STXBP5L: variants seen among roughly 807,000 people sequenced by gnomAD.
STXBP5L encodes the protein syntaxin-binding protein 5-like.
Under a neutral mutation model 144.5 loss-of-function variants are expected in STXBP5L, and 65 were observed. That is an observed-to-expected ratio of 0.45 (90% CI 0.37 to 0.55). The LOEUF is 0.55. Ranked by LOEUF, STXBP5L falls within the 20% of genes least tolerant of loss-of-function variation. STXBP5L has a pLI of 0.00. For synonymous variants in STXBP5L, 505 were observed against 469.6 expected (o/e 1.08, Z -0.97); for missense variants, 1,298 against 1,405.5 (o/e 0.92, Z 1.22).
chr3:121,192,327 CA>C (rs1483454758), intron 9 of STXBP5L, among the ~76,000 whole-genome samples: 2 of 152,082 alleles, frequency 1.3e-5, no homozygotes, highest in Non-Finnish European at 2.9e-5. Context: ...AAAGGGGACA[CA>C]AACAAATGGA....
At chr3:121,334,206 A>G (rs1479127144) in intron 20 of STXBP5L, among the ~76,000 whole-genome samples, 1 of 152,076 alleles carries the variant, frequency 6.6e-6, no homozygotes, top group African/African-American at 2.4e-5. Flanking sequence ...TCTTTTGTAA[A>G]TTGTCCAGTC....
intron 20 of STXBP5L, among the ~76,000 whole-genome samples, chr3:121,344,593 T>C (rs970928523): frequency 1.3e-5 from 2 of 152,040 alleles, no homozygotes; most frequent in Non-Finnish European, 2.9e-5. Flanking sequence ...GATTGTAAAA[T>C]AGAATGTGAA....
At chr3:120,995,138 T>A (rs1334658275) in intron 3 of STXBP5L, among the ~76,000 whole-genome samples, 1 of 152,074 alleles carries the variant, frequency 6.6e-6, no homozygotes, top group Admixed American at 6.6e-5. Flanking sequence ...TCTGCTTGTT[T>A]TCTCTTTTTG....
Position 121,095,281 on chromosome 3 carries a change from G to A in STXBP5L, c.471-19644G>A, listed in dbSNP as rs540003875. ...TATGTGTCTTGGAGTTGCTCTTCTC[G>A]AGGAGTATCTTTGTGGCATTCTCTG... is the stretch of plus-strand genomic sequence containing the variant. On this transcript the variant is annotated intron_variant, in intron 5 of 26. Coordinates refer to ENST00000471454, the MANE Select transcript of STXBP5L (RefSeq NM_001308330.2). 2.0e-4 allele frequency among the ~76,000 whole-genome samples: 31 copies of A among 152,082 alleles called. No homozygotes were observed. In the South Asian group the frequency reaches 4.8e-3, roughly 23 times the overall value.
rs2047343599 is a variant in STXBP5L at position 121,421,044 on chromosome 3, T to C, written c.*1947T>C. The C allele has an allele frequency of 6.6e-6, 1 of 152,132 alleles. No individual in the cohort carries two copies. Among genetic ancestry groups the C allele is most frequent in the Admixed American group, 6.5e-5 (1 of 15,268 alleles). 9.4% of individuals were successfully genotyped at this position (152,132 alleles called of 1,614,324 possible). A position where few individuals can be genotyped will look rare whatever the true frequency, so the allele number is the denominator to read the frequency against. ...GAAACACAGACATTACATGACTGTA[T>C]AATTTATAGAATTATAAAATTATAT... On this transcript the variant is annotated 3_prime_UTR_variant, in exon 27 of 27. Coordinates refer to ENST00000471454, the MANE Select transcript of STXBP5L (RefSeq NM_001308330.2).
chr3:121,387,386 C>T (rs369880962), intron 22 of STXBP5L, among the ~76,000 whole-genome samples: 96 of 152,190 alleles, frequency 6.3e-4, no homozygotes, highest in Middle Eastern at 3.4e-3. Flanking sequence ...GTTGCTTTGC[C>T]GGACAGAAGG....
rs759070646 is a variant in STXBP5L at position 121,318,460 on chromosome 3, T to C, written c.2111-15T>C. The stretch of plus-strand genomic sequence containing the variant: ...CTAGCAAAATTTATCTCATTTTTTT[T>C]CATTGTATTTTCAGGTTTAACTGAA... On this transcript the variant is annotated splice_polypyrimidine_tract_variant and intron_variant, in intron 19 of 26. Transcript: ENST00000471454. 1 of 1,537,322 alleles carries C rather than the reference T, an allele frequency of 6.5e-7. No homozygotes were observed. Among genetic ancestry groups the C allele is most frequent in the Admixed American group, 2.1e-5 (1 of 48,624 alleles).
intron 22 of STXBP5L, among the ~76,000 whole-genome samples, chr3:121,386,633 A>G (rs2046432062): frequency 6.6e-6 from 1 of 151,894 alleles, no homozygotes; most frequent in South Asian, 2.1e-4. Flanking sequence ...ATTCCCACCT[A>G]TGAGTGAGAA....
chr3:121,253,000 C>G (rs1441829611), intron 15 of STXBP5L, among the ~76,000 whole-genome samples: 1 of 152,098 alleles, frequency 6.6e-6, no homozygotes, highest in Non-Finnish European at 1.5e-5. Context: ...CTCAGTCCCT[C>G]TTTTAAGGGG....
At chr3:121,065,104 G>A (rs931670729) in intron 5 of STXBP5L, among the ~76,000 whole-genome samples, 3 of 151,806 alleles carry the variant, frequency 2.0e-5, no homozygotes, top group Non-Finnish European at 4.4e-5. Flanking sequence ...GTATTCTATG[G>A]TGTATATGTA....
intron 20 of STXBP5L, among the ~76,000 whole-genome samples, chr3:121,356,229 A>T (rs1044847089): frequency 6.6e-6 from 1 of 152,248 alleles, no homozygotes; most frequent in Non-Finnish European, 1.5e-5. Context: ...CTTCAGAGCT[A>T]TCAGACAGGG....
intron 3 of STXBP5L, among the ~76,000 whole-genome samples, chr3:120,967,181 C>T (rs1294562041): frequency 1.3e-5 from 2 of 151,984 alleles, no homozygotes; most frequent in Non-Finnish European, 2.9e-5. Context: ...CGGGGAGTGT[C>T]CTGTTTTTCC....
chr3:120,966,747 AG>A (rs1219767266), intron 3 of STXBP5L, among the ~76,000 whole-genome samples: 2 of 152,096 alleles, frequency 1.3e-5, no homozygotes, highest in African/African-American at 4.8e-5. Flanking sequence ...TTAGGCTACA[AG>A]GGGGTCAGGG....
chr3:121,222,377 GT>G (rs543970857), intron 10 of STXBP5L, among the ~76,000 whole-genome samples: 42 of 152,076 alleles, frequency 2.8e-4, no homozygotes, highest in Non-Finnish European at 5.6e-4. Context: ...GATATATGGA[GT>G]TTATACTGAT....
intron 3 of STXBP5L, among the ~76,000 whole-genome samples, chr3:120,975,041 C>T (rs183750820): frequency 1.8e-4 from 27 of 152,148 alleles, no homozygotes; most frequent in East Asian, 7.7e-4. Context: ...TTTTTGGTTC[C>T]GTATGAACTT....
chr3:121,006,807 T>C (rs1002425035), intron 3 of STXBP5L, among the ~76,000 whole-genome samples: 8 of 152,108 alleles, frequency 5.3e-5, no homozygotes, highest in Non-Finnish European at 1.0e-4. Context: ...CCTTCACTTA[T>C]AGGCTTAGTT....
intron 22 of STXBP5L, among the ~76,000 whole-genome samples, chr3:121,384,862 G>A (rs2046392602): frequency 6.6e-6 from 1 of 151,562 alleles, no homozygotes; most frequent in Non-Finnish European, 1.5e-5. Context: ...TCCTCCCCTA[G>A]GAATTTTACT....
At chr3:121,304,072 A>G (rs796406391) in intron 19 of STXBP5L, among the ~76,000 whole-genome samples, 1 of 152,128 alleles carries the variant, frequency 6.6e-6, no homozygotes. Flanking sequence ...AAAGAATTCC[A>G]TGAAAACACT....
At chr3:121,275,835 C>T (rs1243999959) in intron 18 of STXBP5L, among the ~76,000 whole-genome samples, 1 of 151,998 alleles carries the variant, frequency 6.6e-6, no homozygotes, top group Non-Finnish European at 1.5e-5. Flanking sequence ...TTAGTATAGT[C>T]GTTTCAGCAT....
Sources: allele counts gnomAD v4.1 joint callset (sites outside exome capture counted in the v4.1 genomes callset), GRCh38; gene constraint gnomAD v4.1.1; transcripts MANE v1.5; gene names NCBI Gene and HGNC (gene_info 2026-07-23, HGNC 2026-07-21).